The following PRR14L variants were observed in gnomAD, a reference collection of about 807,000 sequenced individuals.
PRR14L encodes protein PRR14L.
In PRR14L, 80 loss-of-function variants were observed where a neutral mutation model predicts 155.0. That is an observed-to-expected ratio of 0.52 (90% CI 0.43 to 0.62). The LOEUF (loss-of-function observed/expected upper bound fraction) is 0.62. Ranked by LOEUF, PRR14L falls within the 20% of genes least tolerant of loss-of-function variation. The pLI, the probability that PRR14L is intolerant of heterozygous loss-of-function variation, is 0.00. For missense variants in PRR14L, 2,469 were observed against 2,548.0 expected, an observed-to-expected ratio of 0.97 and a Z score of 0.67; for synonymous variants, 883 against 916.0, an observed-to-expected ratio of 0.96 and a Z score of 0.65.
At chr22:31,741,178 G>A (rs1569501067) in intron 1 of PRR14L, among the ~76,000 whole-genome samples, 3 of 151,146 alleles carry the variant, frequency 2.0e-5, no homozygotes, top group African/African-American at 4.9e-5. Context: ...GTGTGAACCC[G>A]GGAGGCGGAG....
intron 7 of PRR14L, among the ~76,000 whole-genome samples, chr22:31,695,497 C>T (rs548735474): frequency 6.6e-6 from 1 of 152,264 alleles, no homozygotes; most frequent in African/African-American, 2.4e-5. Flanking sequence ...ACTTTGCAGC[C>T]TTAGCTTGGC....
intron 1 of PRR14L, among the ~76,000 whole-genome samples, chr22:31,745,788 A>T (rs1173085535): frequency 6.6e-6 from 1 of 151,518 alleles, no homozygotes; most frequent in East Asian, 1.9e-4. Flanking sequence ...CAGAGGTTGC[A>T]GCGAGCAGAG....
At position 31,725,628 on chromosome 22, in the gene PRR14L, A is replaced by G; in HGVS notation, c.475-18T>C. ...AGATCCTCCTACAGTAAGAAAATCC[A>G]GTGGTCAAGGGGGATTCAGAAGATT... On this transcript the variant is annotated intron_variant, in intron 2 of 8. Transcript: ENST00000327423. 1 of 1,496,326 alleles carries G rather than the reference A, an allele frequency of 6.7e-7. No homozygotes were observed. Among genetic ancestry groups the G allele is most frequent in the Non-Finnish European group, 9.1e-7 (1 of 1,096,608 alleles). 92.7% of individuals were successfully genotyped at this position (1,496,326 alleles called of 1,614,324 possible). A position where few individuals can be genotyped will look rare whatever the true frequency, so the allele number is the denominator to read the frequency against.
intron 5 of PRR14L, 72 bp from the exon 6 acceptor site, chr22:31,703,793 C>A: frequency 3.4e-4 from 267 of 779,534 alleles, no homozygotes; most frequent in Non-Finnish European, 4.6e-4. Context: ...ACTTCTTCTT[C>A]TTCATTTTTT....
chr22:31,705,702 T>C lies in PRR14L; in HGVS notation c.5757-976A>G, dbSNP rs186308578. On this transcript the variant is annotated intron_variant, in intron 4 of 8. Coordinates refer to ENST00000327423, the MANE Select transcript of PRR14L (RefSeq NM_173566.3). The stretch of plus-strand genomic sequence containing the variant: ...ATTTTCTTTAAAGCCAAGTTACACA[T>C]AAAACATAGCTATACAGCCGGGCAC... Among the ~76,000 whole-genome samples the C allele has an allele frequency of 2.7e-3, 403 of 151,788 alleles. 2 individuals carry two copies. The highest frequency in any genetic ancestry group is 8.4e-3 in the African/African-American group (346 of 41,424).
chr22:31,727,862 A>G (rs1272870505), intron 2 of PRR14L, among the ~76,000 whole-genome samples: 2 of 151,870 alleles, frequency 1.3e-5, no homozygotes, highest in Non-Finnish European at 2.9e-5. Flanking sequence ...CGTGCCTGTA[A>G]TCCCAGCTAC....
rs1271465738 is a variant in PRR14L at position 31,716,847 on chromosome 22, G to A, written c.992C>T (p.Thr331Ile). ...ATTTTCTTTCAAAGGGCTTGTGGCT[G>A]TGGGACTATCATGTGTAGAACTGGG... ...EQPSSTHDSPTATSPLKENSE... is the reference protein window; with the variant it reads ...EQPSSTHDSPIATSPLKENSE... Residue 331 changes from threonine (T) to isoleucine (I), a missense_variant, in exon 4 of 9, where the codon ACA (threonine) becomes ATA (isoleucine). Transcript: ENST00000327423. 2 of 1,551,962 alleles carry A rather than the reference G, an allele frequency of 1.3e-6. No individual in the cohort carries two copies. The highest frequency in any genetic ancestry group is 2.4e-5 in the East Asian group (1 of 40,922).
At chr22:31,698,857 G>A (rs1225757193) in intron 7 of PRR14L, among the ~76,000 whole-genome samples, 1 of 151,038 alleles carries the variant, frequency 6.6e-6, no homozygotes, top group Non-Finnish European at 1.5e-5. Flanking sequence ...GGGAGGCGGA[G>A]CTTGCAGTGA....
At chr22:31,699,106 G>A (rs2074550452) in intron 7 of PRR14L, among the ~76,000 whole-genome samples, 2 of 151,814 alleles carry the variant, frequency 1.3e-5, no homozygotes, top group South Asian at 2.1e-4. Flanking sequence ...CCGCGACCTC[G>A]GCTCACTGTA....
intron 1 of PRR14L, among the ~76,000 whole-genome samples, chr22:31,746,966 T>G (rs1260438398): frequency 1.3e-5 from 2 of 151,206 alleles, no homozygotes; most frequent in African/African-American, 2.4e-5. Flanking sequence ...CTGGCTAATT[T>G]TTTTATTTTT....
chr22:31,747,539 T>G (rs1376705763), intron 1 of PRR14L, among the ~76,000 whole-genome samples: 1 of 150,076 alleles, frequency 6.7e-6, no homozygotes, highest in Non-Finnish European at 1.5e-5. Context: ...CCCGGGCTTG[T>G]TTTTCACATG....
At chr22:31,696,783 C>T (rs2074536687) in intron 7 of PRR14L, among the ~76,000 whole-genome samples, 1 of 152,158 alleles carries the variant, frequency 6.6e-6, no homozygotes. Flanking sequence ...TCCTTTACTA[C>T]ACATTATTCA....
At chr22:31,711,835 A>T (rs553189669) in intron 4 of PRR14L, among the ~76,000 whole-genome samples, 2 of 151,972 alleles carry the variant, frequency 1.3e-5, no homozygotes, top group Non-Finnish European at 2.9e-5. Flanking sequence ...TGAAGAATGA[A>T]ATGGACAGAA....
chr22:31,716,221 C>A lies in PRR14L; in HGVS notation c.1618G>T (p.Asp540Tyr). 6.4e-7 allele frequency: 1 copy of A among 1,551,478 alleles called. No individual in the cohort carries two copies. The highest frequency in any genetic ancestry group is 8.7e-7 in the Non-Finnish European group (1 of 1,146,872). Residue 540 changes from aspartate (D) to tyrosine (Y), a missense_variant, in exon 4 of 9, where the codon GAC becomes TAC. Asp to Tyr is a radical substitution (Grantham distance 160, BLOSUM62 -3). Around this residue, in one of 2 missense-constraint regions of PRR14L, gnomAD observed 2,363 missense variants for 2,371.6 expected, o/e 1.00. Transcript: ENST00000327423. ...TGGATGCTGACTAAGGAGTTACAGT[C>A]TTTAGTGTAAAAAGATTTACTTAAT... ...NILSKSFYTK[D>Y]CNSLVSIQRN...
intron 7 of PRR14L, among the ~76,000 whole-genome samples, 161 bp from the exon 8 acceptor site, chr22:31,688,388 G>A (rs1255560512): frequency 6.6e-6 from 1 of 151,064 alleles, no homozygotes. Context: ...CTGAGTAGCT[G>A]GGATTACAGG....
At chr22:31,692,919 C>T (rs902806523) in intron 7 of PRR14L, among the ~76,000 whole-genome samples, 2 of 151,718 alleles carry the variant, frequency 1.3e-5, no homozygotes, top group East Asian at 1.9e-4. Context: ...GGATTACAGG[C>T]GTGAGCCACC....
Position 31,714,888 on chromosome 22 carries a change from C to G in PRR14L, c.2951G>C (p.Ser984Thr), listed in dbSNP as rs748759746. 4 of 1,551,944 alleles carry G rather than the reference C, an allele frequency of 2.6e-6. No homozygotes were observed. The South Asian group carries it at 3.6e-5, about 14-fold the overall frequency. Residue 984 changes from serine to threonine, a missense_variant, in exon 4 of 9, where the codon AGT (serine) becomes ACT (threonine). Physicochemically the swap from Ser to Thr is moderately conservative, Grantham distance 58. This residue lies in a region of PRR14L where 2,363 missense variants were observed against 2,371.6 expected (regional missense o/e 1.00). Transcript: ENST00000327423. ...SNQNRPDECK[S>T]EGQSAKEMLS... Reference sequence around the variant, plus strand: ...CATCTCCTTGGCTGACTGACCTTCACTTTTGCATTCATCTGGTCTGTTTTG... The same window carrying G: ...CATCTCCTTGGCTGACTGACCTTCAGTTTTGCATTCATCTGGTCTGTTTTG...
rs1392427444 is a variant in PRR14L, at chr22:31,685,563, G to A, written c.6420C>T (p.Ala2140=). The A allele has an allele frequency of 6.4e-7, 1 of 1,551,534 alleles. No homozygotes were observed. The highest frequency in any genetic ancestry group is 8.7e-7 in the Non-Finnish European group (1 of 1,146,844). ...QKLMELETFF[A]KEEEQEQSSG... ...ATGATTGTTCCTGCTCCTCTTCCTT[G>A]GCAAAGAAGGTCTCCAGTTCCATTA... is the stretch of plus-strand genomic sequence containing the variant. The change falls in exon 9 of 9, where the codon GCC becomes GCT. Residue 2140 remains alanine (A), a synonymous_variant. Coordinates refer to ENST00000327423, the MANE Select transcript of PRR14L (RefSeq NM_173566.3).
At chr22:31,691,992 C>T (rs1006344392) in intron 7 of PRR14L, among the ~76,000 whole-genome samples, 3 of 151,970 alleles carry the variant, frequency 2.0e-5, no homozygotes, top group Admixed American at 6.6e-5. Flanking sequence ...CTCAGCCTCC[C>T]GATTAGTTGG....
Sources: gnomAD v4.1 joint callset for allele counts (sites outside exome capture counted in the v4.1 genomes callset) on GRCh38, gnomAD v4.1.1 for gene constraint, gnomAD v4.1.1 regional missense constraint, MANE v1.5 for transcripts, NCBI Gene and HGNC (gene_info 2026-07-23, HGNC 2026-07-21) for gene names.